NLRP4: variants seen among roughly 807,000 people sequenced by gnomAD.
NLRP4 encodes NLR family pyrin domain containing 4, also known as NACHT, LRR and PYD domains-containing protein 4.
In NLRP4, 44 loss-of-function variants were observed where a neutral mutation model predicts 84.7. That is an observed-to-expected ratio of 0.52 (90% CI 0.41 to 0.67). The LOEUF (loss-of-function observed/expected upper bound fraction) is 0.67. Among genes scored for constraint, NLRP4 ranks in the 30% least tolerant of loss-of-function variants. The pLI is 0.00. For synonymous variants in NLRP4, 544 were observed against 476.4 expected (o/e 1.14, Z -1.85); for missense variants, 1,260 against 1,219.4 (o/e 1.03, Z -0.50).
chr19:55,865,559 T>C (rs1412845194), intron 5 of NLRP4, among the ~76,000 whole-genome samples: 1 of 152,254 alleles, frequency 6.6e-6, no homozygotes, highest in Non-Finnish European at 1.5e-5. Context: ...CCATAATGGC[T>C]GAACTAATTT....
At chr19:55,867,607 A>C in intron 5 of NLRP4, 102 bp from the exon 6 acceptor site, 1 of 1,055,164 alleles carries the variant, frequency 9.5e-7, no homozygotes, top group Non-Finnish European at 1.4e-6. Flanking sequence ...TGAGCCTCTC[A>C]AGGACAGCAA....
intron 1 of NLRP4, among the ~76,000 whole-genome samples, chr19:55,839,479 TAA>T (rs56042909): frequency 0.043 from 5,859 of 135,478 alleles, 356 homozygotes; most frequent in African/African-American, 0.14. Context: ...GGGGAAGAGT[TAA>T]AAAAAAAAAA....
rs749601877 is a variant in NLRP4 at position 55,857,941 on chromosome 19, TGTACAC to T, written c.551_556del (p.Tyr184_Thr185del). 6.2e-7 allele frequency: 1 copy of T among 1,614,174 alleles called. No individual in the cohort carries two copies. Among genetic ancestry groups the T allele is most frequent in the Non-Finnish European group, 8.5e-7 (1 of 1,180,022 alleles). ...AACAAGATCTTTCGGGATAGGTTCC[TGTACAC>T]GTTCTATTTCTGCTGCAGAGAACTG... On this transcript the variant is annotated inframe_deletion, in exon 3 of 10. Transcript: ENST00000301295.
At chr19:55,865,093 A>T (rs1468043330) in intron 5 of NLRP4, among the ~76,000 whole-genome samples, 6 of 152,134 alleles carry the variant, frequency 3.9e-5, no homozygotes, top group Admixed American at 3.9e-4. Flanking sequence ...ACCCGTTAAT[A>T]AGCATAGTAC....
At chr19:55,849,395 A>G (rs950351282) in intron 1 of NLRP4, among the ~76,000 whole-genome samples, 2 of 152,198 alleles carry the variant, frequency 1.3e-5, no homozygotes, top group African/African-American at 4.8e-5. Flanking sequence ...GATCATTTCT[A>G]TAGTTCACTG....
intron 7 of NLRP4, among the ~76,000 whole-genome samples, chr19:55,876,641 G>T (rs146189218): frequency 5.9e-5 from 9 of 152,248 alleles, no homozygotes; most frequent in African/African-American, 9.6e-5. Flanking sequence ...GGGATTACAC[G>T]CATGAGCCAC....
chr19:55,866,836 C>G (rs1393459494), intron 5 of NLRP4, among the ~76,000 whole-genome samples: 1 of 152,144 alleles, frequency 6.6e-6, no homozygotes, highest in Non-Finnish European at 1.5e-5. Context: ...CCTGTGTTGT[C>G]AAGCAACTGA....
intron 2 of NLRP4, among the ~76,000 whole-genome samples, chr19:55,852,862 A>G (rs1242745493): frequency 1.3e-5 from 2 of 152,194 alleles, no homozygotes; most frequent in South Asian, 4.1e-4. Context: ...ATTATGTCCT[A>G]ACCTGTATTG....
intron 9 of NLRP4, among the ~76,000 whole-genome samples, chr19:55,879,558 A>G (rs1985507977): frequency 6.6e-6 from 1 of 152,128 alleles, no homozygotes; most frequent in Non-Finnish European, 1.5e-5. Flanking sequence ...TTTCTTTCTT[A>G]CTGTACCCAT....
chr19:55,876,844 T>A (rs1985391740), intron 7 of NLRP4, 152 bp from the exon 8 acceptor site: 1 of 602,454 alleles, frequency 1.7e-6, no homozygotes, highest in African/African-American at 1.8e-5. Context: ...CTTCAATAAT[T>A]TCAATCTGCC....
intron 2 of NLRP4, among the ~76,000 whole-genome samples, chr19:55,856,954 A>G (rs1984458002): frequency 6.6e-6 from 1 of 152,218 alleles, no homozygotes; most frequent in African/African-American, 2.4e-5. Context: ...GCAACTGCCT[A>G]GGTCAGGTCC....
At chr19:55,843,960 C>T (rs899085032) in intron 1 of NLRP4, among the ~76,000 whole-genome samples, 5 of 151,992 alleles carry the variant, frequency 3.3e-5, no homozygotes, top group African/African-American at 1.2e-4. Context: ...CTTCTCTTTA[C>T]GTGTCTTCTA....
intron 1 of NLRP4, among the ~76,000 whole-genome samples, chr19:55,843,867 A>C (rs1983701679): frequency 6.6e-6 from 1 of 152,126 alleles, no homozygotes; most frequent in Non-Finnish European, 1.5e-5. Context: ...GGGAGCCAGT[A>C]ACAAGTGTTA....
rs531560315 is a variant in NLRP4 at position 55,872,616 on chromosome 19, A to G, written c.2525+1619A>G. 1.2e-3 allele frequency among the ~76,000 whole-genome samples: 179 copies of G among 152,326 alleles called. 1 individual carries two copies. The highest frequency in any genetic ancestry group is 3.7e-3 in the African/African-American group (153 of 41,578). ...TAGATTAGACATAATTAAAGAAAAAATTAGTAAAATGGAAGATAGGTTACA... is the reference window on the plus strand; with the variant it reads ...TAGATTAGACATAATTAAAGAAAAAGTTAGTAAAATGGAAGATAGGTTACA... On this transcript the variant is annotated intron_variant, in intron 7 of 9. Coordinates refer to ENST00000301295, the MANE Select transcript of NLRP4 (RefSeq NM_134444.5).
At position 55,857,888 on chromosome 19, in the gene NLRP4, G is replaced by T; in HGVS notation, c.495G>T (p.Leu165=). The T allele has an allele frequency of 6.2e-7, 1 of 1,614,182 alleles. No homozygotes were observed. The highest frequency in any genetic ancestry group is 2.2e-5 in the East Asian group (1 of 44,884). The change falls in exon 3 of 10, where the codon CTG becomes CTT. Residue 165 remains leucine, a synonymous_variant. Transcript: ENST00000301295. The part of the protein sequence containing the change: ...GPQGIGKTTL[L]MKLMMAWSDN... ...AAGGAATTGGAAAAACGACACTCCT[G>T]ATGAAGCTGATGATGGCCTGGTCGG... is the stretch of plus-strand genomic sequence containing the variant.
At chr19:55,845,775 C>T (rs1330010735) in intron 1 of NLRP4, among the ~76,000 whole-genome samples, 1 of 150,376 alleles carries the variant, frequency 6.6e-6, no homozygotes, top group East Asian at 1.9e-4. Flanking sequence ...CTCTGATGGC[C>T]AGTGATGATG....
At chr19:55,879,112 G>A (rs1401923961) in intron 9 of NLRP4, 148 bp downstream of exon 9, 1 of 611,644 alleles carries the variant, frequency 1.6e-6, no homozygotes, top group Non-Finnish European at 2.8e-6. Flanking sequence ...CCAAGCAGGT[G>A]AGTATAAAAC....
In NLRP4 at chr19:55,858,559, C is replaced by G; in HGVS notation, c.1166C>G (p.Thr389Ser). 1.2e-6 allele frequency: 2 copies of G among 1,614,204 alleles called. No homozygotes were observed. Among genetic ancestry groups the G allele is most frequent in the Non-Finnish European group, 1.7e-6 (2 of 1,180,032 alleles). ...ACACCTGAGGGTGCCGAGGGCCCGA[C>G]TCCGCAAACCCAGCACCAGCTGAAG... ...LFTPEGAEGP[T>S]PQTQHQLKAL... The change falls in exon 3 of 10, where the codon ACT becomes AGT. Residue 389 changes from threonine (T) to serine (S), a missense_variant. Physicochemically the swap from Thr to Ser is moderately conservative, Grantham distance 58. Coordinates refer to ENST00000301295, the MANE Select transcript of NLRP4 (RefSeq NM_134444.5). The surrounding 1 kb of genome is among the most constrained non-coding windows in gnomAD (Gnocchi z 4.2).
chr19:55,855,532 GAA>G (rs1984377593), intron 2 of NLRP4, among the ~76,000 whole-genome samples: 1 of 152,238 alleles, frequency 6.6e-6, no homozygotes, highest in Admixed American at 6.5e-5. Flanking sequence ...TCAGGGGACT[GAA>G]AGATTGGGGG....
Sources: allele counts gnomAD v4.1 joint callset (sites outside exome capture counted in the v4.1 genomes callset), GRCh38; gene constraint gnomAD v4.1.1; non-coding constraint Gnocchi (gnomAD v3.1); transcripts MANE v1.5; gene names NCBI Gene and HGNC (gene_info 2026-07-23, HGNC 2026-07-21).